Variants in DLEU7 observed in about 807,000 individuals in gnomAD.
The protein encoded by DLEU7 is deleted in lymphocytic leukemia 7.
A neutral mutation model predicts 16.0 loss-of-function variants in DLEU7; 17 were observed. The ratio of observed to expected loss-of-function variants is 1.06; its 90% CI spans 0.73 to 1.59. The LOEUF (loss-of-function observed/expected upper bound fraction) is 1.59. DLEU7 is among the 40% of genes most tolerant of loss of function. DLEU7 has a pLI of 0.00. For synonymous variants in DLEU7, 113 were observed against 139.8 expected, an observed-to-expected ratio of 0.81 and a Z score of 1.35; for missense variants, 308 against 314.9, an observed-to-expected ratio of 0.98 and a Z score of 0.17.
chr13:50,743,042 T>C (rs941759720), intron 1 of DLEU7, among the ~76,000 whole-genome samples: 2 of 152,142 alleles, frequency 1.3e-5, no homozygotes, highest in Non-Finnish European at 2.9e-5. Context: ...GGGTTATGTA[T>C]TGAGTGATCA....
At chr13:50,812,560 G>A (rs1487324258) in intron 1 of DLEU7, among the ~76,000 whole-genome samples, 1 of 152,108 alleles carries the variant, frequency 6.6e-6, no homozygotes, top group Non-Finnish European at 1.5e-5. Context: ...CAGTTATAAA[G>A]GTCCTGTCTC....
At chr13:50,819,520 G>A (rs764878337), downstream of DLEU7, among the ~76,000 whole-genome samples, 21 of 152,182 alleles carry the variant, frequency 1.4e-4, no homozygotes, top group Non-Finnish European at 2.8e-4. Flanking sequence ...ATTCCAGACA[G>A]GAGACAATAG....
intron 1 of DLEU7, among the ~76,000 whole-genome samples, chr13:50,799,887 C>T (rs1312793284): frequency 6.6e-6 from 1 of 152,198 alleles, no homozygotes. Context: ...TTTAGATTAT[C>T]TGTCCTGCGT....
chr13:50,834,890 C>A (rs1877402315), intron 1 of DLEU7, among the ~76,000 whole-genome samples: 1 of 152,068 alleles, frequency 6.6e-6, no homozygotes. Context: ...ATGTCCTTTG[C>A]AGGGACATGG....
chr13:50,755,768 G>A lies in DLEU7; in HGVS notation c.460-42528C>T, dbSNP rs574958093. 1.1e-4 allele frequency among the ~76,000 whole-genome samples: 16 copies of A among 151,894 alleles called. No homozygotes were observed. In the South Asian group the frequency reaches 3.3e-3, roughly 32 times the overall value. On this transcript the variant is annotated intron_variant, in intron 1 of 1. Transcript: ENST00000400393. ...ATTTTTTTTTGAGGGGGGGGGCACG[G>A]TATTAAAGAACTTTGTACTTTGTTT...
At chr13:50,724,126 G>A (rs969836664) in intron 1 of DLEU7, among the ~76,000 whole-genome samples, 2 of 151,996 alleles carry the variant, frequency 1.3e-5, no homozygotes, top group African/African-American at 2.4e-5. Flanking sequence ...AATAAAAGTT[G>A]GAATGGCACA....
At chr13:50,769,090 G>A (rs1566245005) in intron 1 of DLEU7, among the ~76,000 whole-genome samples, 1 of 152,188 alleles carries the variant, frequency 6.6e-6, no homozygotes, top group African/African-American at 2.4e-5. Flanking sequence ...CTTCTTTTGA[G>A]AAGTGTCTGT....
chr13:50,757,799 T>C (rs1031831976), intron 1 of DLEU7, among the ~76,000 whole-genome samples: 1 of 152,204 alleles, frequency 6.6e-6, no homozygotes, highest in African/African-American at 2.4e-5. Flanking sequence ...AATGTGATGT[T>C]AGCAAAAGTG....
chr13:50,770,549 G>A (rs563095685), intron 1 of DLEU7, among the ~76,000 whole-genome samples: 26 of 152,224 alleles, frequency 1.7e-4, no homozygotes, highest in African/African-American at 5.3e-4. Flanking sequence ...TTTGTCTTTG[G>A]TTCTATTTAT....
Position 50,824,738 on chromosome 13 carries a change from G to T in DLEU7, c.460-1218C>A, listed in dbSNP as rs573154099. Among the ~76,000 whole-genome samples the T allele has an allele frequency of 5.3e-5, 8 of 152,194 alleles. No homozygotes were observed. In the South Asian group the frequency reaches 1.7e-3, roughly 32 times the overall value. ...AAATTAACTTAAAATTTTGAACTGG[G>T]CTGAAATAGCCATGAACACATAGCA... is the stretch of plus-strand genomic sequence containing the variant. On this transcript the variant is annotated intron_variant, in intron 1 of 1. Transcript: ENST00000504404.
intron 1 of DLEU7, among the ~76,000 whole-genome samples, chr13:50,728,471 A>G (rs1388733116): frequency 6.6e-6 from 1 of 152,180 alleles, no homozygotes; most frequent in Non-Finnish European, 1.5e-5. Flanking sequence ...AAAAGCTTTA[A>G]TAAGTGAACG....
chr13:50,830,077 G>C (rs568299126), intron 1 of DLEU7, among the ~76,000 whole-genome samples: 6 of 152,144 alleles, frequency 3.9e-5, no homozygotes, highest in African/African-American at 1.4e-4. Context: ...TATCCTACAC[G>C]ATGCTTTGAG....
intron 1 of DLEU7, among the ~76,000 whole-genome samples, chr13:50,785,539 A>T (rs565536865): frequency 6.6e-6 from 1 of 152,318 alleles, no homozygotes; most frequent in South Asian, 2.1e-4. Context: ...ATCCTCAGCT[A>T]TAAAAAAAGA....
At chr13:50,772,154 T>C (rs1875335408) in intron 1 of DLEU7, among the ~76,000 whole-genome samples, 1 of 152,216 alleles carries the variant, frequency 6.6e-6, no homozygotes, top group African/African-American at 2.4e-5. Flanking sequence ...TGAGCCTATG[T>C]GTGTCTCTGC....
intron 1 of DLEU7, among the ~76,000 whole-genome samples, chr13:50,732,517 G>T (rs1873939548): frequency 1.4e-5 from 2 of 140,154 alleles, no homozygotes; most frequent in African/African-American, 2.7e-5. Flanking sequence ...CGAGGCAGGA[G>T]AATCACTTGA....
chr13:50,837,799 G>A (rs1274386222), intron 1 of DLEU7, among the ~76,000 whole-genome samples: 5 of 152,126 alleles, frequency 3.3e-5, no homozygotes, highest in Admixed American at 1.3e-4. Context: ...TCATGAATTC[G>A]TACTGACTGT....
In DLEU7 at chr13:50,804,927, CTAATA is replaced by C. The variant is rs1206012161; in HGVS notation, c.459+38256_459+38260del. Among the ~76,000 whole-genome samples, 4 of 151,838 alleles carry C rather than the reference CTAATA, an allele frequency of 2.6e-5. No individual in the cohort carries two copies. The East Asian group carries it at 7.7e-4, about 29-fold the overall frequency. ...GACCTAACTGAATTCCACTATTGTT[CTAATA>C]TTTTTTTTCAGTTGGCTCACTTTTT... On this transcript the variant is annotated intron_variant, in intron 1 of 1. Transcript: ENST00000400393.
At chr13:50,808,430 C>A (rs1876459834) in intron 1 of DLEU7, 1 of 152,062 alleles carries the variant, frequency 6.6e-6, no homozygotes, top group African/African-American at 2.4e-5. Context: ...GGTTGGGGGT[C>A]CCTGCAAGAA....
At chr13:50,825,117 G>T (rs1246071850) in intron 1 of DLEU7, among the ~76,000 whole-genome samples, 1 of 151,958 alleles carries the variant, frequency 6.6e-6, no homozygotes, top group Non-Finnish European at 1.5e-5. Flanking sequence ...GAGATGAGAT[G>T]ATAATTTTTT....
Sources: gnomAD v4.1 joint callset for allele counts (sites outside exome capture counted in the v4.1 genomes callset) on GRCh38, gnomAD v4.1.1 for gene constraint, MANE v1.5 for transcripts, NCBI Gene and HGNC (gene_info 2026-07-23, HGNC 2026-07-21) for gene names.